Variants in CCNY observed in about 807,000 individuals in gnomAD.
CCNY encodes the protein cyclin Y.
A neutral mutation model predicts 42.8 loss-of-function variants in CCNY; 19 were observed. That is an observed-to-expected ratio of 0.44 (90% CI 0.31 to 0.65). CCNY has a LOEUF of 0.65. CCNY is among the 30% of genes least tolerant of loss of function. The pLI is 0.07. For synonymous variants in CCNY, 165 were observed against 162.7 expected (o/e 1.01, Z -0.11); for missense variants, 370 against 437.3 (o/e 0.85, Z 1.37).
chr10:35,262,173 A>AAT lies in CCNY; in HGVS notation c.-9+11548_-9+11549dup, dbSNP rs763278272. Among the ~76,000 whole-genome samples, 655 of 149,090 alleles carry AAT rather than the reference A, an allele frequency of 4.4e-3. 1 individual carries two copies. Among genetic ancestry groups the AAT allele is most frequent in the Admixed American group, 9.0e-3 (134 of 14,832 alleles). On this transcript the variant is annotated intron_variant, in intron 3 of 11. Coordinates refer to the CCNY transcript ENST00000374706. ...GCTACTTGGGAAGCTGAAACAGAAG[A>AAT]ATCTCTTGAACCCAGGAGGCGGAGG...
At chr10:35,349,375 A>G (rs921640462) in intron 1 of CCNY, among the ~76,000 whole-genome samples, 4 of 152,162 alleles carry the variant, frequency 2.6e-5, no homozygotes, top group African/African-American at 9.7e-5. Flanking sequence ...TGGAAGTGGC[A>G]TGTTGACAGT....
chr10:35,566,418 C>T (rs1378181808), intron 9 of CCNY: 3 of 440,278 alleles, frequency 6.8e-6, no homozygotes, highest in Middle Eastern at 6.2e-4. Flanking sequence ...GATCTTGGCC[C>T]ATTGCAGTCT....
At chr10:35,408,945 T>G (rs1837843401) in intron 1 of CCNY, among the ~76,000 whole-genome samples, 1 of 151,918 alleles carries the variant, frequency 6.6e-6, no homozygotes, top group Non-Finnish European at 1.5e-5. Context: ...TCAATTCTTG[T>G]TTTTGTTTTT....
chr10:35,552,984 A>G (rs1841290989), intron 7 of CCNY, 35 bp from the exon 8 acceptor site: 1 of 1,597,406 alleles, frequency 6.3e-7, no homozygotes, highest in African/African-American at 1.3e-5. Flanking sequence ...GGAGAAAACA[A>G]ATCACTTAGC....
intron 1 of CCNY, among the ~76,000 whole-genome samples, chr10:35,466,378 G>A (rs900154973): frequency 6.6e-6 from 1 of 152,184 alleles, no homozygotes; most frequent in African/African-American, 2.4e-5. Flanking sequence ...TTGTGTGGTG[G>A]CAAAGTTGCT....
At chr10:35,376,987 A>G (rs949721591) in intron 1 of CCNY, among the ~76,000 whole-genome samples, 1 of 152,138 alleles carries the variant, frequency 6.6e-6, no homozygotes, top group African/African-American at 2.4e-5. Context: ...ATGATTGTAC[A>G]ACTTTGTGAA....
chr10:35,536,839 C>G (rs971643058), intron 7 of CCNY, among the ~76,000 whole-genome samples: 1 of 152,126 alleles, frequency 6.6e-6, no homozygotes, highest in Non-Finnish European at 1.5e-5. Flanking sequence ...CATAAAAGTT[C>G]ACAAAATTTG....
chr10:35,307,649 C>G (rs1424507491), intron 3 of CCNY, among the ~76,000 whole-genome samples: 1 of 150,732 alleles, frequency 6.6e-6, no homozygotes, highest in African/African-American at 2.4e-5. Context: ...TTCAACAACC[C>G]CGAAATAAGG....
intron 3 of CCNY, among the ~76,000 whole-genome samples, chr10:35,300,211 C>T (rs1323369572): frequency 6.6e-6 from 1 of 152,226 alleles, no homozygotes; most frequent in Non-Finnish European, 1.5e-5. Context: ...GTCTAGCTTA[C>T]TCATCTGTGG....
chr10:35,528,301 A>G (rs1472628323), intron 5 of CCNY, among the ~76,000 whole-genome samples: 1 of 152,142 alleles, frequency 6.6e-6, no homozygotes, highest in Non-Finnish European at 1.5e-5. Flanking sequence ...CTCACAGACT[A>G]CCTGCTGGGT....
chr10:35,292,120 G>A (rs1014311058), intron 3 of CCNY, among the ~76,000 whole-genome samples: 6 of 152,092 alleles, frequency 3.9e-5, no homozygotes, highest in Admixed American at 3.3e-4. Context: ...AGCTAACGGT[G>A]TTGCATCTTT....
chr10:35,269,272 T>C (rs1237363996), intron 3 of CCNY, among the ~76,000 whole-genome samples: 1 of 50,316 alleles, frequency 2.0e-5, no homozygotes, highest in East Asian at 5.1e-4. Flanking sequence ...ATAATCTACT[T>C]CCTTCCTTCC....
rs942352062 is a variant in CCNY, at chr10:35,496,485, A to G, written c.230-5016A>G. Among the ~76,000 whole-genome samples, 5 of 152,172 alleles carry G rather than the reference A, an allele frequency of 3.3e-5. No homozygotes were observed. The South Asian group carries it at 6.2e-4, about 19-fold the overall frequency. On this transcript the variant is annotated intron_variant, in intron 2 of 9. Coordinates refer to ENST00000374704, the MANE Select transcript of CCNY (RefSeq NM_145012.6). ...AGGACCTTTTTAGTACCAGCATCCT[A>G]TGGCTTGGTGGTGGCTAACACTTGC...
At chr10:35,454,056 G>GGCC (rs949748597) in intron 1 of CCNY, among the ~76,000 whole-genome samples, 96 of 152,310 alleles carry the variant, frequency 6.3e-4, no homozygotes, top group African/African-American at 2.3e-3. Flanking sequence ...TACTGTGACA[G>GGCC]GCGGCGAATC....
At chr10:35,456,422 T>C (rs1839036350) in intron 1 of CCNY, among the ~76,000 whole-genome samples, 1 of 152,236 alleles carries the variant, frequency 6.6e-6, no homozygotes, top group South Asian at 2.1e-4. Context: ...GGTTTTGTGA[T>C]TGTTTTAATT....
chr10:35,510,688 C>A (rs750228225), intron 3 of CCNY, among the ~76,000 whole-genome samples: 3 of 152,154 alleles, frequency 2.0e-5, no homozygotes, highest in Non-Finnish European at 4.4e-5. Flanking sequence ...CTTCACAGCA[C>A]CACAATGAAG....
intron 2 of CCNY, among the ~76,000 whole-genome samples, chr10:35,489,822 C>A (rs1839862528): frequency 1.3e-5 from 2 of 152,088 alleles, no homozygotes; most frequent in Non-Finnish European, 2.9e-5. Flanking sequence ...TAGAGGAGTC[C>A]CTCATTTTTA....
At chr10:35,391,321 A>G (rs1018918307) in intron 1 of CCNY, among the ~76,000 whole-genome samples, 19 of 152,154 alleles carry the variant, frequency 1.2e-4, no homozygotes, top group African/African-American at 4.3e-4. Context: ...TATGAGGCAG[A>G]GTGGCGGGGT....
In CCNY at chr10:35,502,749, C is replaced by CT. The variant is rs1010900139; in HGVS notation, c.264+1225dup. On this transcript the variant is annotated intron_variant, in intron 3 of 9. Coordinates refer to ENST00000374704, the MANE Select transcript of CCNY (RefSeq NM_145012.6). The stretch of plus-strand genomic sequence containing the variant: ...GAGGAAAATATGAAAATTGCCATGC[C>CT]TTTTTTTTTTTGAAAGCAGTATATA... 1.6e-3 allele frequency among the ~76,000 whole-genome samples: 237 copies of CT among 145,436 alleles called. 1 individual carries two copies. Among genetic ancestry groups the CT allele is most frequent in the African/African-American group, 4.4e-3 (174 of 39,792 alleles).
Sources: allele counts gnomAD v4.1 joint callset (sites outside exome capture counted in the v4.1 genomes callset), GRCh38; gene constraint gnomAD v4.1.1; transcripts MANE v1.5; gene names NCBI Gene and HGNC (gene_info 2026-07-23, HGNC 2026-07-21).